The following DYNC2H1 variants were observed in gnomAD, a reference collection of about 807,000 sequenced individuals.
DYNC2H1 encodes dynein cytoplasmic 2 heavy chain 1.
DYNC2H1 carries 410 observed loss-of-function variants against 570.0 expected under a neutral mutation model. That is an observed-to-expected ratio of 0.72 (90% CI 0.66 to 0.78). DYNC2H1 has a LOEUF of 0.78. Among genes scored for constraint, DYNC2H1 ranks in the 30% least tolerant of loss-of-function variants. DYNC2H1 has a pLI of 0.00. For synonymous variants in DYNC2H1, 1,688 were observed against 1,677.6 expected, an observed-to-expected ratio of 1.01 and a Z score of -0.15; for missense variants, 4,865 against 5,046.4, an observed-to-expected ratio of 0.96 and a Z score of 1.09.
At position 103,461,114 on chromosome 11, in the gene DYNC2H1, AG is replaced by A. The variant is rs1231234276; in HGVS notation, c.12648+4759del. On this transcript the variant is annotated intron_variant, in intron 87 of 88. Coordinates refer to ENST00000375735, the MANE Select transcript of DYNC2H1 (RefSeq NM_001377.3). This position sits in a 1 kb window ranked among gnomAD's most constrained non-coding sequence, Gnocchi z 4.8. ...CACATTTTCTAACTTTCTCGCCTGC[AG>A]TTTCCAATAATGTTACCAGGGAAGA... Among the ~76,000 whole-genome samples, 1 of 152,200 alleles carries A rather than the reference AG, an allele frequency of 6.6e-6. No individual in the cohort carries two copies. The highest frequency in any genetic ancestry group is 2.4e-5 in the African/African-American group (1 of 41,454).
intron 20 of DYNC2H1, among the ~76,000 whole-genome samples, chr11:103,149,509 A>G (rs1166387307): frequency 6.6e-6 from 1 of 152,250 alleles, no homozygotes; most frequent in Non-Finnish European, 1.5e-5. Flanking sequence ...TGAATAAAAT[A>G]ACATACCACT....
intron 83 of DYNC2H1, among the ~76,000 whole-genome samples, chr11:103,393,320 G>T (rs1942253096): frequency 6.6e-6 from 1 of 152,132 alleles, no homozygotes; most frequent in African/African-American, 2.4e-5. Flanking sequence ...AGATTGTATT[G>T]TTACTCTATT....
rs943767510 is a variant in DYNC2H1, at chr11:103,332,488, T to C, written c.12039+8498T>C. ...AACAAACACACACAGGCATAAAATATTAAAACTGAAAAAGACTGAAATACT... is the reference window on the plus strand; with the variant it reads ...AACAAACACACACAGGCATAAAATACTAAAACTGAAAAAGACTGAAATACT... On this transcript the variant is annotated intron_variant, in intron 82 of 88. Transcript: ENST00000375735. 2.7e-5 allele frequency among the ~76,000 whole-genome samples: 4 copies of C among 150,742 alleles called. 1 individual carries two copies. The highest frequency in any genetic ancestry group is 4.4e-5 in the Non-Finnish European group (3 of 67,996).
At chr11:103,282,287 T>C in intron 72 of DYNC2H1, 58 bp downstream of exon 72, 1 of 1,516,960 alleles carries the variant, frequency 6.6e-7, no homozygotes, top group South Asian at 1.2e-5. Context: ...TGGCTTTTTG[T>C]TCATGAGGTA....
At chr11:103,419,694 A>G (rs777343630) in intron 84 of DYNC2H1, among the ~76,000 whole-genome samples, 1 of 152,162 alleles carries the variant, frequency 6.6e-6, no homozygotes, top group Non-Finnish European at 1.5e-5. Flanking sequence ...CAATGCAACA[A>G]CACCAAAAAC....
intron 78 of DYNC2H1, among the ~76,000 whole-genome samples, chr11:103,310,494 G>A (rs906349797): frequency 9.2e-5 from 14 of 151,788 alleles, no homozygotes; most frequent in African/African-American, 2.9e-4. Context: ...CTTTAGTGTA[G>A]TGCCTTTTTA....
At chr11:103,182,920 A>G (rs1215684565) in intron 40 of DYNC2H1, among the ~76,000 whole-genome samples, 1 of 151,730 alleles carries the variant, frequency 6.6e-6, no homozygotes, top group Non-Finnish European at 1.5e-5. Context: ...AGGAATAGGG[A>G]TTTGTGAGGA....
intron 83 of DYNC2H1, among the ~76,000 whole-genome samples, chr11:103,384,837 A>G (rs1055837002): frequency 2.0e-5 from 3 of 152,058 alleles, no homozygotes; most frequent in African/African-American, 7.2e-5. Flanking sequence ...TATCTCAGAC[A>G]TTCTGTTTGG....
chr11:103,340,902 A>G (rs1236816697), intron 82 of DYNC2H1, among the ~76,000 whole-genome samples: 1 of 152,136 alleles, frequency 6.6e-6, no homozygotes, highest in African/African-American at 2.4e-5. Flanking sequence ...AAAGAAGTGA[A>G]TATGACCATA....
At position 103,120,681 on chromosome 11, in the gene DYNC2H1, G is replaced by A. The variant is rs954822298; in HGVS notation, c.1135-8G>A. 22 of 1,609,992 alleles carry A rather than the reference G, an allele frequency of 1.4e-5. No homozygotes were observed. The African/African-American group carries it at 2.4e-4, about 18-fold the overall frequency. On this transcript the variant is annotated splice_polypyrimidine_tract_variant and splice_region_variant and intron_variant, in intron 7 of 88. Coordinates refer to ENST00000375735, the MANE Select transcript of DYNC2H1 (RefSeq NM_001377.3). ...ACTAAAGTCTAACAATGTTGTTAAT[G>A]TATGTAGCCCTTGTGGAAAGCTGCG...
chr11:103,375,342 G>A (rs1941349153), intron 83 of DYNC2H1, among the ~76,000 whole-genome samples: 1 of 152,186 alleles, frequency 6.6e-6, no homozygotes, highest in Non-Finnish European at 1.5e-5. Flanking sequence ...GGAAATATGG[G>A]GTCATAGCCC....
At chr11:103,331,531 TC>T (rs1938795414) in intron 82 of DYNC2H1, among the ~76,000 whole-genome samples, 1 of 152,084 alleles carries the variant, frequency 6.6e-6, no homozygotes, top group Admixed American at 6.6e-5. Context: ...TTAACACAAA[TC>T]CCTAAAGGCC....
At chr11:103,356,470 C>CA (rs1940345651) in intron 82 of DYNC2H1, among the ~76,000 whole-genome samples, 1 of 151,924 alleles carries the variant, frequency 6.6e-6, no homozygotes, top group Non-Finnish European at 1.5e-5. Context: ...ACATCATGCA[C>CA]AAAAAAATTT....
At chr11:103,467,735 C>T (rs1442923843) in intron 87 of DYNC2H1, among the ~76,000 whole-genome samples, 1 of 152,044 alleles carries the variant, frequency 6.6e-6, no homozygotes, top group African/African-American at 2.4e-5. Flanking sequence ...GATGGGGTTT[C>T]ACCATGTTAG....
intron 32 of DYNC2H1, 139 bp from the exon 33 acceptor site, chr11:103,169,969 T>A (rs1861502407): frequency 1.3e-6 from 1 of 756,712 alleles, no homozygotes; most frequent in Non-Finnish European, 1.9e-6. Context: ...CTAGAAAAAA[T>A]TTTGGATATT....
intron 20 of DYNC2H1, among the ~76,000 whole-genome samples, chr11:103,149,616 A>G (rs1056046994): frequency 1.3e-5 from 2 of 152,206 alleles, no homozygotes; most frequent in Non-Finnish European, 2.9e-5. Context: ...AGTAGAAGGA[A>G]TTAACTAAAA....
intron 78 of DYNC2H1, among the ~76,000 whole-genome samples, chr11:103,309,057 C>G (rs1867436964): frequency 6.6e-6 from 1 of 151,678 alleles, no homozygotes; most frequent in Non-Finnish European, 1.5e-5. Flanking sequence ...CAACCCAAAC[C>G]TTATATAGCT....
chr11:103,398,660 T>G (rs1942493270), intron 83 of DYNC2H1, among the ~76,000 whole-genome samples: 1 of 152,202 alleles, frequency 6.6e-6, no homozygotes, highest in Non-Finnish European at 1.5e-5. Context: ...AATAGCACTT[T>G]CCAAAATTAT....
At position 103,242,461 on chromosome 11, in the gene DYNC2H1, G is replaced by C. The variant is rs537819511; in HGVS notation, c.9820-1232G>C. On this transcript the variant is annotated intron_variant, in intron 63 of 88. Coordinates refer to ENST00000375735, the MANE Select transcript of DYNC2H1 (RefSeq NM_001377.3). Reference sequence around the variant, plus strand: ...ATGAAAATAAATTGTTGATAAGGGGGACTGCTGTACCCCATTCTAAGTTTT... The same window carrying C: ...ATGAAAATAAATTGTTGATAAGGGGCACTGCTGTACCCCATTCTAAGTTTT... 4.1e-4 allele frequency among the ~76,000 whole-genome samples: 63 copies of C among 152,194 alleles called. 1 individual carries two copies. Among genetic ancestry groups the C allele is most frequent in the African/African-American group, 1.4e-3 (60 of 41,532 alleles).
Sources: gnomAD v4.1 joint callset for allele counts (sites outside exome capture counted in the v4.1 genomes callset) on GRCh38, gnomAD v4.1.1 for gene constraint, Gnocchi (gnomAD v3.1) non-coding constraint, MANE v1.5 for transcripts, NCBI Gene and HGNC (gene_info 2026-07-23, HGNC 2026-07-21) for gene names.